The following PDE9A variants were observed in gnomAD, a reference collection of about 807,000 sequenced individuals.
The protein encoded by PDE9A is phosphodiesterase 9A, also known as high affinity cGMP-specific 3',5'-cyclic phosphodiesterase 9A.
A neutral mutation model predicts 87.4 loss-of-function variants in PDE9A; 60 were observed. The observed-to-expected ratio is 0.69, with a 90% CI of 0.56 to 0.85. The LOEUF (loss-of-function observed/expected upper bound fraction) is 0.85. Among genes scored for constraint, PDE9A ranks in the 40% least tolerant of loss-of-function variants. The probability of loss-of-function intolerance (pLI) is 0.00; values close to 1 mark genes in which losing one functional copy is unlikely to be tolerated. For missense variants in PDE9A, 665 were observed against 779.0 expected (o/e 0.85, Z 1.74); for synonymous variants, 272 against 279.4 (o/e 0.97, Z 0.27).
chr21:42,683,571 T>C (rs995914404), intron 1 of PDE9A, among the ~76,000 whole-genome samples: 3 of 152,214 alleles, frequency 2.0e-5, no homozygotes, highest in South Asian at 2.1e-4. Context: ...CCGCCTGGGC[T>C]GCCTGGCCTC....
At chr21:42,666,330 C>T (rs117293593) in intron 1 of PDE9A, among the ~76,000 whole-genome samples, 7 of 152,264 alleles carry the variant, frequency 4.6e-5, no homozygotes, top group Non-Finnish European at 7.4e-5. Context: ...CTTCTGAAGT[C>T]TCCCCGCCTC....
intron 6 of PDE9A, among the ~76,000 whole-genome samples, chr21:42,733,073 A>G (rs2052008555): frequency 6.6e-6 from 1 of 152,216 alleles, no homozygotes; most frequent in Admixed American, 6.5e-5. Context: ...CCATGTGTCC[A>G]CCCCAGAGAG....
intron 4 of PDE9A, among the ~76,000 whole-genome samples, chr21:42,707,211 G>A (rs1295332824): frequency 6.6e-6 from 1 of 152,180 alleles, no homozygotes; most frequent in Non-Finnish European, 1.5e-5. Flanking sequence ...TGAAGGGGAG[G>A]GCCTGAGAGA....
At chr21:42,745,393 A>G (rs2053738961) in intron 8 of PDE9A, among the ~76,000 whole-genome samples, 1 of 152,252 alleles carries the variant, frequency 6.6e-6, no homozygotes, top group African/African-American at 2.4e-5. Flanking sequence ...AAGTCAGGCC[A>G]TAGTTTGTGG....
chr21:42,768,173 A>T lies in PDE9A; in HGVS notation c.1357-15A>T, dbSNP rs1050071959. 1 of 1,541,204 alleles carries T rather than the reference A, an allele frequency of 6.5e-7. No individual in the cohort carries two copies. The highest frequency in any genetic ancestry group is 9.0e-7 in the Non-Finnish European group (1 of 1,113,686). On this transcript the variant is annotated splice_polypyrimidine_tract_variant and intron_variant, in intron 15 of 19. Coordinates refer to ENST00000291539, the MANE Select transcript of PDE9A (RefSeq NM_002606.3). ...CTACCTCCTGTTACCTCAATTCCAA[A>T]ATCTCTTCTTTCAGCTGAAGATGAT... is the stretch of plus-strand genomic sequence containing the variant.
At chr21:42,716,020 T>G (rs2049885358) in intron 4 of PDE9A, among the ~76,000 whole-genome samples, 1 of 151,928 alleles carries the variant, frequency 6.6e-6, no homozygotes, top group Non-Finnish European at 1.5e-5. Flanking sequence ...TCTTCAGGTT[T>G]TCTTTCACTT....
intron 4 of PDE9A, among the ~76,000 whole-genome samples, chr21:42,708,429 C>A (rs1340701721): frequency 2.0e-5 from 3 of 152,198 alleles, no homozygotes; most frequent in Non-Finnish European, 4.4e-5. Context: ...AACGTTAGGA[C>A]TGCCCTCCCT....
chr21:42,674,053 C>T (rs953962125), intron 1 of PDE9A, among the ~76,000 whole-genome samples: 1 of 152,210 alleles, frequency 6.6e-6, no homozygotes, highest in Non-Finnish European at 1.5e-5. Context: ...AACGAAGAAA[C>T]GAAATCTGAA....
intron 1 of PDE9A, among the ~76,000 whole-genome samples, chr21:42,655,892 C>T (rs1158994610): frequency 6.6e-6 from 1 of 151,932 alleles, no homozygotes; most frequent in Non-Finnish European, 1.5e-5. Context: ...CTGTGAACCC[C>T]GTTGGAAGCT....
chr21:42,670,202 CATACACTTACATTCACACACATACACTT>C (rs2058350172), intron 1 of PDE9A, among the ~76,000 whole-genome samples: 1 of 130,922 alleles, frequency 7.6e-6, no homozygotes, highest in South Asian at 2.1e-4. Context: ...CATTCACACA[CATACACTTACATTCACACACATACACTT>C]ACATTCACAC....
intron 4 of PDE9A, among the ~76,000 whole-genome samples, chr21:42,706,774 C>G (rs577835265): frequency 8.0e-4 from 122 of 152,250 alleles, no homozygotes; most frequent in African/African-American, 2.6e-3. Context: ...AGCAGTCCCC[C>G]CTCCATCCCC....
At chr21:42,715,527 G>T (rs1218065226) in intron 4 of PDE9A, among the ~76,000 whole-genome samples, 2 of 151,580 alleles carry the variant, frequency 1.3e-5, no homozygotes, top group East Asian at 1.9e-4. Flanking sequence ...CTTGGCAGGG[G>T]AATCGCTTGA....
At chr21:42,770,929 A>G in intron 18 of PDE9A, 131 bp downstream of exon 18, 1 of 643,166 alleles carries the variant, frequency 1.6e-6, no homozygotes, top group South Asian at 1.8e-5. Flanking sequence ...GCACACGTGT[A>G]CCTTCCATCA....
At chr21:42,720,561 G>A (rs1355604350) in intron 4 of PDE9A, among the ~76,000 whole-genome samples, 2 of 152,090 alleles carry the variant, frequency 1.3e-5, no homozygotes, top group Non-Finnish European at 2.9e-5. Context: ...AATAAAATAG[G>A]TATCTCTGGG....
At chr21:42,693,167 G>A (rs918111914) in intron 3 of PDE9A, among the ~76,000 whole-genome samples, 6 of 152,224 alleles carry the variant, frequency 3.9e-5, no homozygotes, top group Non-Finnish European at 5.9e-5. Flanking sequence ...AGAGCGAGAC[G>A]CATGCCCGTC....
At position 42,775,343 on chromosome 21, in the gene PDE9A, C is replaced by T. The variant is rs761691559; in HGVS notation, c.*50C>T. The T allele has an allele frequency of 1.2e-5, 19 of 1,589,522 alleles. No individual in the cohort carries two copies. Among genetic ancestry groups the T allele is most frequent in the African/African-American group, 1.1e-4 (8 of 73,474 alleles). ...TTCTGGACGGGCTGGCCGAGCTGCGCGGGATCCTTGTGCAGGGAAGAGCTG... is the reference window on the plus strand; with the variant it reads ...TTCTGGACGGGCTGGCCGAGCTGCGTGGGATCCTTGTGCAGGGAAGAGCTG... On this transcript the variant is annotated 3_prime_UTR_variant, in exon 20 of 20. Transcript: ENST00000291539.
Position 42,760,454 on chromosome 21 carries a change from C to A in PDE9A, c.1002+22C>A, listed in dbSNP as rs771085127. ...CCAGGTGGGTCCTGCCCGCTGCACACCCAGACCTCTACTCTCGGGGGTCAG... is the reference window on the plus strand; with the variant it reads ...CCAGGTGGGTCCTGCCCGCTGCACAACCAGACCTCTACTCTCGGGGGTCAG... On this transcript the variant is annotated intron_variant, in intron 12 of 19. Transcript: ENST00000291539. The surrounding 1 kb of genome is among the most constrained non-coding windows in gnomAD (Gnocchi z 5.2). The A allele has an allele frequency of 4.3e-5, 60 of 1,386,778 alleles. No individual in the cohort carries two copies. In the Admixed American group the frequency reaches 9.8e-4, roughly 23 times the overall value. The allele number at this position is 1,386,778 out of a possible 1,614,324, so 85.9% of individuals were successfully genotyped here.
chr21:42,663,944 G>A (rs2057781154), intron 1 of PDE9A, among the ~76,000 whole-genome samples: 2 of 152,204 alleles, frequency 1.3e-5, no homozygotes, highest in African/African-American at 2.4e-5. Context: ...GGATGCTCCA[G>A]GTCCTTGCTG....
chr21:42,768,610 G>GGGGGCCCAGGAGGGCC (rs1157121947), intron 16 of PDE9A: 1 of 985,402 alleles, frequency 1.0e-6, no homozygotes, highest in Non-Finnish European at 1.2e-6. Flanking sequence ...AGAAGCAGGA[G>GGGGGCCCAGGAGGGCC]GGGGCCCAGG....
Sources: allele counts gnomAD v4.1 joint callset (sites outside exome capture counted in the v4.1 genomes callset), GRCh38; gene constraint gnomAD v4.1.1; non-coding constraint Gnocchi (gnomAD v3.1); transcripts MANE v1.5; gene names NCBI Gene and HGNC (gene_info 2026-07-23, HGNC 2026-07-21).